WIPF1: variants seen among roughly 807,000 people sequenced by gnomAD.
The protein encoded by WIPF1 is WAS/WASL interacting protein family member 1.
Under a neutral mutation model 35.4 loss-of-function variants are expected in WIPF1, and 13 were observed. That is an observed-to-expected ratio of 0.37 (90% CI 0.24 to 0.58). WIPF1 has a LOEUF of 0.58. WIPF1 is among the 20% of genes least tolerant of loss of function. The pLI, the probability that WIPF1 is intolerant of heterozygous loss-of-function variation, is 0.74. For synonymous variants in WIPF1, 267 were observed against 266.3 expected, an observed-to-expected ratio of 1.00 and a Z score of -0.02; for missense variants, 591 against 667.0, an observed-to-expected ratio of 0.89 and a Z score of 1.25.
intron 2 of WIPF1, 129 bp from the exon 3 acceptor site, chr2:174,581,568 G>A (rs1003384909): frequency 6.3e-5 from 79 of 1,245,398 alleles, no homozygotes; most frequent in Non-Finnish European, 7.8e-5. Context: ...GTAAATTCTC[G>A]ACAAGTTTTA....
chr2:174,597,215 T>G (rs12151728), intron 1 of WIPF1, among the ~76,000 whole-genome samples: 10,075 of 152,312 alleles, frequency 0.066, 457 homozygotes, highest in Middle Eastern at 0.12. Context: ...CCTTGTACTT[T>G]AAAGCACTTA....
chr2:174,645,735 G>C (rs1294936511), intron 1 of WIPF1, among the ~76,000 whole-genome samples: 3 of 152,222 alleles, frequency 2.0e-5, no homozygotes, highest in African/African-American at 7.2e-5. Context: ...TGTCTTCAAA[G>C]CTAGAGCCCT....
chr2:174,603,125 T>A (rs899149468), intron 1 of WIPF1, among the ~76,000 whole-genome samples: 1 of 152,318 alleles, frequency 6.6e-6, no homozygotes. Context: ...CCTGCTGCAC[T>A]CATCCTTTGA....
intron 1 of WIPF1, among the ~76,000 whole-genome samples, chr2:174,649,678 T>C (rs1687491808): frequency 6.6e-6 from 1 of 152,184 alleles, no homozygotes; most frequent in African/African-American, 2.4e-5. Context: ...TGGTGTGCTG[T>C]GCCTTTATAT....
At chr2:174,628,325 CT>C (rs2105927333) in intron 1 of WIPF1, among the ~76,000 whole-genome samples, 2 of 152,260 alleles carry the variant, frequency 1.3e-5, no homozygotes, top group African/African-American at 4.8e-5. Context: ...GTGGTGAGCC[CT>C]GATAATGCAT....
chr2:174,604,633 A>G (rs1686103095), intron 1 of WIPF1, among the ~76,000 whole-genome samples: 4 of 152,234 alleles, frequency 2.6e-5, no homozygotes, highest in Admixed American at 2.6e-4. Flanking sequence ...CAACATATGA[A>G]AAGAGTATTA....
intron 2 of WIPF1, among the ~76,000 whole-genome samples, chr2:174,582,413 C>T (rs1268987529): frequency 6.6e-6 from 1 of 152,218 alleles, no homozygotes; most frequent in Non-Finnish European, 1.5e-5. Flanking sequence ...GAGAGTCTGG[C>T]TGCCCCAAAC....
At chr2:174,613,982 T>A (rs1413878932) in intron 1 of WIPF1, among the ~76,000 whole-genome samples, 1 of 152,214 alleles carries the variant, frequency 6.6e-6, no homozygotes, top group East Asian at 1.9e-4. Flanking sequence ...TAGCCCTATT[T>A]AAAAAAGCTG....
chr2:174,664,223 G>A lies in WIPF1; in HGVS notation c.-39+18551C>T, dbSNP rs564170742. ...AGTATGACTGGTCTGGGTCTGAAGC[G>A]CCAGGCCTTGGGGCAGGACAACCAG... On this transcript the variant is annotated intron_variant, in intron 1 of 8. Transcript: ENST00000272746. Among the ~76,000 whole-genome samples, 20 of 152,262 alleles carry A rather than the reference G, an allele frequency of 1.3e-4. 1 individual carries two copies. The highest frequency in any genetic ancestry group is 4.3e-4 in the African/African-American group (18 of 41,544).
chr2:174,568,454 T>C (rs1194598282), intron 5 of WIPF1, among the ~76,000 whole-genome samples: 1 of 152,230 alleles, frequency 6.6e-6, no homozygotes, highest in Non-Finnish European at 1.5e-5. Context: ...GAAAGAATTT[T>C]TTTAAAAAGA....
intron 1 of WIPF1, among the ~76,000 whole-genome samples, chr2:174,671,946 T>C (rs1313726780): frequency 6.6e-6 from 1 of 152,136 alleles, no homozygotes; most frequent in Non-Finnish European, 1.5e-5. Context: ...TTGTGAAGCA[T>C]GTGATCTCTG....
chr2:174,611,877 A>C lies in WIPF1; in HGVS notation c.-38-26266T>G, dbSNP rs1380535743. Among the ~76,000 whole-genome samples the C allele has an allele frequency of 2.0e-5, 3 of 152,044 alleles. No individual in the cohort carries two copies. In the East Asian group the frequency reaches 5.8e-4, roughly 29 times the overall value. On this transcript the variant is annotated intron_variant, in intron 1 of 8. Coordinates refer to the WIPF1 transcript ENST00000272746. ...TTGTTAAGTTTCTCCCACTTTTCATAGTTTGATTCCTTCACTTAAATAACT... is the reference window on the plus strand; with the variant it reads ...TTGTTAAGTTTCTCCCACTTTTCATCGTTTGATTCCTTCACTTAAATAACT...
At chr2:174,620,487 A>G (rs1686642106) in intron 1 of WIPF1, among the ~76,000 whole-genome samples, 1 of 152,272 alleles carries the variant, frequency 6.6e-6, no homozygotes, top group South Asian at 2.1e-4. Context: ...AAGTTATTTT[A>G]TAGACAAAAG....
intron 1 of WIPF1, among the ~76,000 whole-genome samples, chr2:174,640,440 G>A (rs1381704559): frequency 2.7e-5 from 4 of 148,194 alleles, no homozygotes; most frequent in Admixed American, 1.3e-4. Flanking sequence ...CATGGCACAC[G>A]TATACATATG....
At chr2:174,577,986 T>G (rs895644616) in intron 3 of WIPF1, among the ~76,000 whole-genome samples, 1 of 152,174 alleles carries the variant, frequency 6.6e-6, no homozygotes, top group African/African-American at 2.4e-5. Context: ...TGATTTAGAT[T>G]TGTTTTTTGG....
intron 1 of WIPF1, among the ~76,000 whole-genome samples, chr2:174,663,619 CCT>C (rs1687826939): frequency 6.6e-6 from 1 of 152,204 alleles, no homozygotes; most frequent in South Asian, 2.1e-4. Flanking sequence ...CTGGCACGCC[CCT>C]GCCATAGCAT....
At chr2:174,599,556 G>A (rs565445969), upstream of WIPF1, among the ~76,000 whole-genome samples, 60 of 152,216 alleles carry the variant, frequency 3.9e-4, no homozygotes, top group Admixed American at 9.8e-4. Flanking sequence ...ATACCTGCAG[G>A]CATGGGGCTG....
At position 174,561,764 on chromosome 2, in the gene WIPF1, C is replaced by T. The variant is rs757920818; in HGVS notation, c.*783G>A. ...TGCACTAGCTTCCATCTTCCAGACT[C>T]GTGCTGTCTAATCCAGTAGCCACCA... On this transcript the variant is annotated 3_prime_UTR_variant, in exon 8 of 8. Transcript: ENST00000679041. 1.1e-4 allele frequency: 26 copies of T among 229,266 alleles called. No individual in the cohort carries two copies. The highest frequency in any genetic ancestry group is 2.0e-4 in the Non-Finnish European group (23 of 116,808). The allele number at this position is 229,266 out of a possible 1,614,324, so 14.2% of individuals were successfully genotyped here. A position where few individuals can be genotyped will look rare whatever the true frequency, so the allele number is the denominator to read the frequency against.
intron 5 of WIPF1, among the ~76,000 whole-genome samples, 173 bp from the exon 6 acceptor site, chr2:174,568,246 CAT>C (rs1684727085): frequency 2.0e-5 from 3 of 152,096 alleles, no homozygotes; most frequent in Non-Finnish European, 4.4e-5. Flanking sequence ...AAAAATTGCA[CAT>C]GTGTACACAT....
Sources: gnomAD v4.1 joint callset for allele counts (sites outside exome capture counted in the v4.1 genomes callset) on GRCh38, gnomAD v4.1.1 for gene constraint, MANE v1.5 for transcripts, NCBI Gene and HGNC (gene_info 2026-07-23, HGNC 2026-07-21) for gene names.